NTRK2: variants seen among roughly 807,000 people sequenced by gnomAD.
NTRK2 encodes the protein neurotrophic receptor tyrosine kinase 2.
NTRK2 carries 13 observed loss-of-function variants against 94.5 expected under a neutral mutation model. That is an observed-to-expected ratio of 0.14 (90% CI 0.09 to 0.22). NTRK2 has a LOEUF of 0.22. Among genes scored for constraint, NTRK2 ranks in the 10% least tolerant of loss-of-function variants. The probability of loss-of-function intolerance (pLI) is 1.00; values close to 1 mark genes in which losing one functional copy is unlikely to be tolerated. For missense variants in NTRK2, 639 were observed against 1,071.2 expected (o/e 0.60, Z 5.63); for synonymous variants, 372 against 407.4 (o/e 0.91, Z 1.05).
intron 17 of NTRK2, among the ~76,000 whole-genome samples, chr9:84,956,576 A>G (rs1316354616): frequency 6.6e-6 from 1 of 152,222 alleles, no homozygotes; most frequent in African/African-American, 2.4e-5. Context: ...AAGGAAGGGA[A>G]TAAATGTGCT....
At chr9:84,822,889 A>G (rs1256629953) in intron 12 of NTRK2, among the ~76,000 whole-genome samples, 1 of 152,172 alleles carries the variant, frequency 6.6e-6, no homozygotes, top group African/African-American at 2.4e-5. Context: ...TGCATTCTCA[A>G]CAGTAGACAC....
intron 14 of NTRK2, among the ~76,000 whole-genome samples, chr9:84,926,088 C>G (rs1207129500): frequency 6.9e-6 from 1 of 144,114 alleles, no homozygotes; most frequent in Non-Finnish European, 1.5e-5. Context: ...TCTTTCCCTT[C>G]CTTCCTTCCT....
intron 10 of NTRK2, among the ~76,000 whole-genome samples, chr9:84,742,771 C>G (rs919459355): frequency 1.4e-5 from 2 of 146,586 alleles, no homozygotes; most frequent in Non-Finnish European, 3.0e-5. Context: ...AAGAAAGAAA[C>G]CAAAGTCCAT....
chr9:84,833,059 C>T (rs1017914044), intron 12 of NTRK2, among the ~76,000 whole-genome samples: 3 of 140,780 alleles, frequency 2.1e-5, no homozygotes, highest in Non-Finnish European at 4.5e-5. Flanking sequence ...GTCTCAGAAT[C>T]ATCCAGTTAA....
intron 12 of NTRK2, chr9:84,815,119 C>A: frequency 9.5e-7 from 1 of 1,057,646 alleles, no homozygotes; most frequent in Non-Finnish European, 1.1e-6. Flanking sequence ...CCACTAAAGT[C>A]AGTCCATTTT....
intron 14 of NTRK2, among the ~76,000 whole-genome samples, chr9:84,886,059 A>G (rs2076403245): frequency 6.6e-6 from 1 of 152,138 alleles, no homozygotes; most frequent in African/African-American, 2.4e-5. Flanking sequence ...CTGAAAGAGA[A>G]CTTTAGAGAA....
At chr9:84,772,387 C>G (rs1405978275) in intron 12 of NTRK2, among the ~76,000 whole-genome samples, 1 of 152,064 alleles carries the variant, frequency 6.6e-6, no homozygotes, top group East Asian at 1.9e-4. Context: ...CCTGATGTAG[C>G]TGGGATTACA....
intron 14 of NTRK2, among the ~76,000 whole-genome samples, chr9:84,883,732 G>T (rs1292025758): frequency 1.3e-5 from 2 of 152,190 alleles, no homozygotes; most frequent in African/African-American, 2.4e-5. Context: ...ATTTGAAAAG[G>T]ATTGGCAATT....
chr9:84,822,662 C>G (rs1013177472), intron 12 of NTRK2, among the ~76,000 whole-genome samples: 6 of 152,144 alleles, frequency 3.9e-5, no homozygotes, highest in African/African-American at 1.2e-4. Context: ...GCCGTTCACT[C>G]TAGGGAGTTA....
At chr9:84,710,901 T>G in intron 6 of NTRK2, 110 bp downstream of exon 6, 1 of 1,050,046 alleles carries the variant, frequency 9.5e-7, no homozygotes, top group Non-Finnish European at 1.4e-6. Flanking sequence ...AGTATTCTGT[T>G]GATGTCTCCA....
chr9:84,924,236 A>AAAGG (rs2077669782), intron 14 of NTRK2, among the ~76,000 whole-genome samples: 2 of 80,356 alleles, frequency 2.5e-5, no homozygotes, highest in African/African-American at 9.7e-5. Flanking sequence ...AAGTAGAAAG[A>AAAGG]AAGAAAGAAA....
At chr9:84,978,019 C>T (rs1032939905) in intron 17 of NTRK2, among the ~76,000 whole-genome samples, 1 of 152,182 alleles carries the variant, frequency 6.6e-6, no homozygotes, top group African/African-American at 2.4e-5. Flanking sequence ...GCTCTACCAA[C>T]TGGATATTTG....
chr9:84,788,583 G>A (rs750413978), intron 12 of NTRK2, among the ~76,000 whole-genome samples: 1 of 152,196 alleles, frequency 6.6e-6, no homozygotes, highest in Non-Finnish European at 1.5e-5. Context: ...AGTCTCCCAG[G>A]CAGAACAGTG....
intron 12 of NTRK2, among the ~76,000 whole-genome samples, chr9:84,779,683 G>A (rs1018397728): frequency 6.6e-6 from 1 of 152,126 alleles, no homozygotes; most frequent in Admixed American, 6.6e-5. Flanking sequence ...GTAGTTGTGG[G>A]TTGTTTAAAG....
chr9:84,757,445 T>C (rs2132584218), intron 12 of NTRK2, among the ~76,000 whole-genome samples: 1 of 152,332 alleles, frequency 6.6e-6, no homozygotes, highest in Non-Finnish European at 1.5e-5. Flanking sequence ...GCCTTGCGGA[T>C]TTTTCTTTAT....
Position 84,741,878 on chromosome 9 carries a change from G to A in NTRK2, c.1160-14G>A. The A allele has an allele frequency of 6.2e-7, 1 of 1,611,376 alleles. No individual in the cohort carries two copies. The highest frequency in any genetic ancestry group is 8.5e-7 in the Non-Finnish European group (1 of 1,178,220). On this transcript the variant is annotated splice_polypyrimidine_tract_variant and intron_variant, in intron 9 of 18. Transcript: ENST00000277120. The stretch of plus-strand genomic sequence containing the variant: ...ATGCATACTTACAAATCTTTGCTCT[G>A]TTTTGCCTTTTAGGTGCAAACCCAA...
chr9:84,812,542 G>C (rs200538623), intron 12 of NTRK2: 1 of 1,046,634 alleles, frequency 9.6e-7, no homozygotes, highest in African/African-American at 1.7e-5. Flanking sequence ...TTTCCCAAAG[G>C]TGTTGATTTA....
At chr9:84,859,989 G>A (rs80200181) in intron 12 of NTRK2, among the ~76,000 whole-genome samples, 7,834 of 152,268 alleles carry the variant, frequency 0.051, 450 homozygotes, top group East Asian at 0.18. Flanking sequence ...TGTAGGATAC[G>A]AGGGAGGGAA....
chr9:84,699,438 G>A (rs868800953), intron 2 of NTRK2, among the ~76,000 whole-genome samples: 3 of 152,130 alleles, frequency 2.0e-5, no homozygotes, highest in Admixed American at 6.5e-5. Context: ...CAGTAGAAGC[G>A]TATTCTCTAG....
Sources: allele counts gnomAD v4.1 joint callset (sites outside exome capture counted in the v4.1 genomes callset), GRCh38; gene constraint gnomAD v4.1.1; transcripts MANE v1.5; gene names NCBI Gene and HGNC (gene_info 2026-07-23, HGNC 2026-07-21).